SVEP1: variants seen among roughly 807,000 people sequenced by gnomAD.
SVEP1 encodes sushi, von Willebrand factor type A, EGF and pentraxin domain-containing protein 1.
A neutral mutation model predicts 367.3 loss-of-function variants in SVEP1; 164 were observed. That is an observed-to-expected ratio of 0.45 (90% CI 0.39 to 0.51). SVEP1 has a LOEUF of 0.51. Among genes scored for constraint, SVEP1 ranks in the 20% least tolerant of loss-of-function variants. SVEP1 has a pLI of 0.00. For synonymous variants in SVEP1, 1,666 were observed against 1,611.6 expected (o/e 1.03, Z -0.81); for missense variants, 4,117 against 4,425.3 (o/e 0.93, Z 1.98).
Position 110,407,789 on chromosome 9 carries a change from G to C in SVEP1, c.7811C>G (p.Ser2604Cys). The change falls in exon 38 of 48, where the codon TCC (serine) becomes TGC (cysteine). Residue 2604 changes from serine to cysteine, a missense_variant. This residue lies in a region of SVEP1 where 1,765 missense variants were observed against 1,781.1 expected (regional missense o/e 0.99). Transcript: ENST00000374469. ...GTCTATTGGCATACATGTTGGGATG[G>C]AACTTGACCATCCTGACTCTTCACA... Reference protein sequence around the residue: ...QTCEESGWSSSIPTCMPIDCG... With the variant: ...QTCEESGWSSCIPTCMPIDCG... 3 of 1,613,980 alleles carry C rather than the reference G, an allele frequency of 1.9e-6. No individual in the cohort carries two copies. In the East Asian group the frequency reaches 6.7e-5, roughly 36 times the overall value.
intron 8 of SVEP1, among the ~76,000 whole-genome samples, chr9:110,496,514 T>C (rs1028347719): frequency 2.0e-5 from 3 of 152,190 alleles, no homozygotes; most frequent in African/African-American, 7.2e-5. Context: ...TCTTGTGCCT[T>C]TGGCCACTAA....
chr9:110,432,368 C>A, intron 31 of SVEP1, 94 bp downstream of exon 31: 1 of 1,458,538 alleles, frequency 6.9e-7, no homozygotes, highest in Non-Finnish European at 9.2e-7. Context: ...ATAAAGTTAA[C>A]AAAGCAATGC....
At chr9:110,471,649 GTCA>G in intron 15 of SVEP1, 52 bp from the exon 16 acceptor site, 1 of 1,327,966 alleles carries the variant, frequency 7.5e-7, no homozygotes, top group Non-Finnish European at 1.0e-6. Context: ...GTTTCAGAAA[GTCA>G]TTTGTAGTTA....
At chr9:110,466,128 G>A (rs754795316) in intron 17 of SVEP1, 102 bp from the exon 18 acceptor site, 19 of 1,265,576 alleles carry the variant, frequency 1.5e-5, no homozygotes, top group Non-Finnish European at 1.9e-5. Flanking sequence ...TAGGACAGAA[G>A]GACAGAATGA....
At chr9:110,533,362 A>G (rs1172778111) in intron 3 of SVEP1, among the ~76,000 whole-genome samples, 1 of 152,204 alleles carries the variant, frequency 6.6e-6, no homozygotes, top group Non-Finnish European at 1.5e-5. Context: ...CACATTTCAT[A>G]GACTAGGAAA....
intron 1 of SVEP1, among the ~76,000 whole-genome samples, chr9:110,559,031 G>A (rs1830389801): frequency 6.6e-6 from 1 of 151,828 alleles, no homozygotes; most frequent in Non-Finnish European, 1.5e-5. Flanking sequence ...TAAAAATTAG[G>A]AATAAAAATA....
At chr9:110,422,617 T>C in intron 36 of SVEP1, among the ~76,000 whole-genome samples, 1 of 93,116 alleles carries the variant, frequency 1.1e-5, no homozygotes, top group Non-Finnish European at 2.2e-5. Flanking sequence ...ATCCCATTAC[T>C]GGGTATATAC....
chr9:110,489,663 A>G lies in SVEP1; in HGVS notation c.1917T>C (p.His639=), dbSNP rs370527571. 1.2e-5 allele frequency: 20 copies of G among 1,612,966 alleles called. No individual in the cohort carries two copies. In the African/African-American group the frequency reaches 2.4e-4, roughly 19 times the overall value. ...TATATCACTTACCAATAACCTTGAT[A>G]TGGAAAATGCAGCTGGCCTGGTTGC... ...LSGNQASCIF[H]IKVIDAEPPV... is the part of the protein sequence containing the mutation. The change falls in exon 9 of 48, where the codon CAT becomes CAC. Residue 639 remains histidine, a synonymous_variant. Coordinates refer to ENST00000374469, the MANE Select transcript of SVEP1 (RefSeq NM_153366.4).
intron 1 of SVEP1, among the ~76,000 whole-genome samples, chr9:110,555,442 G>T (rs1410809088): frequency 5.3e-5 from 8 of 152,090 alleles, no homozygotes; most frequent in Non-Finnish European, 8.8e-5. Context: ...GTATAGTTTT[G>T]TACACCAAAG....
chr9:110,432,114 A>G, intron 31 of SVEP1, 80 bp from the exon 32 acceptor site: 4 of 1,445,854 alleles, frequency 2.8e-6, no homozygotes, highest in Non-Finnish European at 3.7e-6. Context: ...CTTTTAAATC[A>G]TTACATATCA....
intron 36 of SVEP1, among the ~76,000 whole-genome samples, chr9:110,422,886 C>T (rs1410530735): frequency 2.1e-5 from 2 of 93,496 alleles, no homozygotes; most frequent in South Asian, 4.0e-4. Context: ...AACCAAACAC[C>T]GCATATTCTC....
At chr9:110,548,095 A>G (rs1040959450) in intron 2 of SVEP1, among the ~76,000 whole-genome samples, 5 of 152,190 alleles carry the variant, frequency 3.3e-5, no homozygotes, top group African/African-American at 1.2e-4. Context: ...GGCAACACCC[A>G]GTATCTCCAA....
In SVEP1 at chr9:110,465,346, T is replaced by A. The variant is rs943940451; in HGVS notation, c.3322+519A>T. ...CCAGCCTCTACTCAGACAAGTTAAA[T>A]CAGAATCTCTGGGAGAGAGGATCAG... On this transcript the variant is annotated intron_variant, in intron 18 of 47. Coordinates refer to ENST00000374469, the MANE Select transcript of SVEP1 (RefSeq NM_153366.4). 2.0e-5 allele frequency among the ~76,000 whole-genome samples: 3 copies of A among 151,656 alleles called. No homozygotes were observed. The East Asian group carries it at 5.8e-4, about 29-fold the overall frequency.
chr9:110,371,782 G>C (rs760554547), intron 46 of SVEP1, among the ~76,000 whole-genome samples: 1 of 152,152 alleles, frequency 6.6e-6, no homozygotes, highest in Non-Finnish European at 1.5e-5. Context: ...CTCTTTAACT[G>C]TCTCTCAAAT....
intron 20 of SVEP1, 97 bp from the exon 21 acceptor site, chr9:110,457,449 T>G: frequency 1.1e-6 from 1 of 880,122 alleles, no homozygotes; most frequent in Non-Finnish European, 1.8e-6. Flanking sequence ...AGACAGCTCG[T>G]TCCTCCTGTT....
chr9:110,367,407 G>A lies in SVEP1; in HGVS notation c.10695-847C>T, dbSNP rs930473658. ...TTGAACTCCTGGGCCCAAGTGATCC[G>A]CTTGCTGCCTTGGCTTCCCAAATTG... On this transcript the variant is annotated intron_variant, in intron 47 of 47. Coordinates refer to ENST00000374469, the MANE Select transcript of SVEP1 (RefSeq NM_153366.4). 1.4e-4 allele frequency among the ~76,000 whole-genome samples: 16 copies of A among 117,290 alleles called. No homozygotes were observed. In the East Asian group the frequency reaches 1.8e-3, roughly 13 times the overall value. The allele number at this position is 117,290 out of a possible 152,430, so 76.9% of individuals were successfully genotyped here.
At chr9:110,528,156 G>GTGTGTGTGTGTATATATATATATATA in intron 3 of SVEP1, among the ~76,000 whole-genome samples, 4 of 33,948 alleles carry the variant, frequency 1.2e-4, no homozygotes, top group African/African-American at 2.1e-4. Context: ...GTGTGTGTGT[G>GTGTGTGTGTGTATATATATATATATA]TATATATATA....
Position 110,520,974 on chromosome 9 carries a change from A to C in SVEP1, c.965-6868T>G, listed in dbSNP as rs376894504. ...CACCAAGCCTCTACTTTCTGCTATA[A>C]ATAGGTAAGAAACCAAGCAAAATCT... is the stretch of plus-strand genomic sequence containing the variant. On this transcript the variant is annotated intron_variant, in intron 3 of 47. Transcript: ENST00000374469. 1.3e-3 allele frequency among the ~76,000 whole-genome samples: 200 copies of C among 152,282 alleles called. 2 individuals are homozygous for C. The highest frequency in any genetic ancestry group is 4.5e-3 in the African/African-American group (187 of 41,554).
rs1408734244 is a variant in SVEP1 at position 110,452,305 on chromosome 9, A to G, written c.3788-903T>C. ...TACATTTCACATCTAGTAAATGTAT[A>G]TTTATTTTATTTAGAAACTTGGTTC... On this transcript the variant is annotated intron_variant, in intron 22 of 47. Coordinates refer to ENST00000374469, the MANE Select transcript of SVEP1 (RefSeq NM_153366.4). Among the ~76,000 whole-genome samples, 4 of 152,332 alleles carry G rather than the reference A, an allele frequency of 2.6e-5. 1 individual carries two copies. The highest frequency in any genetic ancestry group is 5.9e-5 in the Non-Finnish European group (4 of 68,032).
Sources: gnomAD v4.1 joint callset for allele counts (sites outside exome capture counted in the v4.1 genomes callset) on GRCh38, gnomAD v4.1.1 for gene constraint, gnomAD v4.1.1 regional missense constraint, MANE v1.5 for transcripts, NCBI Gene and HGNC (gene_info 2026-07-23, HGNC 2026-07-21) for gene names.